The following PDE7B variants were observed in gnomAD, a reference collection of about 807,000 sequenced individuals.
PDE7B encodes 3',5'-cyclic-AMP phosphodiesterase 7B.
PDE7B carries 29 observed loss-of-function variants against 56.2 expected under a neutral mutation model. That is an observed-to-expected ratio of 0.52 (90% CI 0.38 to 0.70). PDE7B has a LOEUF of 0.70. PDE7B is among the 30% of genes least tolerant of loss of function. PDE7B has a pLI of 0.00. For missense variants in PDE7B, 490 were observed against 565.0 expected (o/e 0.87, Z 1.35); for synonymous variants, 197 against 196.9 (o/e 1.00, Z 0.00).
At chr6:135,965,704 C>T (rs1774986035) in intron 2 of PDE7B, among the ~76,000 whole-genome samples, 1 of 152,116 alleles carries the variant, frequency 6.6e-6, no homozygotes, top group African/African-American at 2.4e-5. Flanking sequence ...TCGGTTACCT[C>T]CCACTGGGTC....
intron 6 of PDE7B, 106 bp downstream of exon 6, chr6:136,151,361 C>A: frequency 1.7e-6 from 1 of 595,752 alleles, no homozygotes; most frequent in Non-Finnish European, 3.0e-6. Flanking sequence ...AGATGCATAC[C>A]TCCAATTAAT....
chr6:136,034,937 C>A lies in PDE7B; in HGVS notation c.83-73794C>A, dbSNP rs141425627. ...ACAGTACTTCCAGGAACAGCAAAGT[C>A]TTTTTGATACAAGTAGGTGTCCATT... is the stretch of plus-strand genomic sequence containing the variant. On this transcript the variant is annotated intron_variant, in intron 2 of 12. Coordinates refer to ENST00000308191, the MANE Select transcript of PDE7B (RefSeq NM_018945.4). 3 of 152,352 alleles carry A rather than the reference C, an allele frequency of 2.0e-5. No homozygotes were observed. The East Asian group carries it at 5.8e-4, about 29-fold the overall frequency. 9.4% of individuals were successfully genotyped at this position (152,352 alleles called of 1,614,324 possible). A position where few individuals can be genotyped will look rare whatever the true frequency, so the allele number is the denominator to read the frequency against.
chr6:135,947,607 T>G, intron 2 of PDE7B, 83 bp downstream of exon 2: 1 of 1,030,180 alleles, frequency 9.7e-7, no homozygotes, highest in East Asian at 2.4e-5. Flanking sequence ...TGGCTGTCTC[T>G]CATTCTGTTT....
In PDE7B at chr6:135,957,700, C is replaced by CA. The variant is rs113325019; in HGVS notation, c.82+10182dup. Among the ~76,000 whole-genome samples, 256 of 152,214 alleles carry CA rather than the reference C, an allele frequency of 1.7e-3. 2 individuals are homozygous for CA. In the East Asian group the frequency reaches 0.028, roughly 17 times the overall value. ...GTTGGCCTAGAATTCCAAGAAAACACAAAAAATAATTCCTGATGAAGGTAG... is the reference window on the plus strand; with the variant it reads ...GTTGGCCTAGAATTCCAAGAAAACACAAAAAAATAATTCCTGATGAAGGTAG... On this transcript the variant is annotated intron_variant, in intron 2 of 12. Transcript: ENST00000308191.
chr6:136,190,731 A>G (rs1358823189), intron 12 of PDE7B, among the ~76,000 whole-genome samples: 2 of 152,248 alleles, frequency 1.3e-5, no homozygotes, highest in Admixed American at 1.3e-4. Context: ...AAGAGAACAG[A>G]CATGCAAACA....
At chr6:136,057,710 G>T (rs536690195) in intron 2 of PDE7B, among the ~76,000 whole-genome samples, 4 of 152,250 alleles carry the variant, frequency 2.6e-5, no homozygotes, top group African/African-American at 9.6e-5. Context: ...CTAGATTCTA[G>T]ATCACCATTT....
At chr6:136,191,013 CTTTTTTTT>C (rs752187218) in intron 12 of PDE7B, among the ~76,000 whole-genome samples, 1 of 99,350 alleles carries the variant, frequency 1.0e-5, no homozygotes, top group African/African-American at 9.0e-5. Flanking sequence ...CCAGCATACA[CTTTTTTTT>C]TTTTTTTTTT....
At position 136,191,917 on chromosome 6, in the gene PDE7B, G is replaced by A. The variant is rs1039672615; in HGVS notation, c.*77G>A. On this transcript the variant is annotated 3_prime_UTR_variant, in exon 13 of 13. Transcript: ENST00000308191. ...AGAAGCAGCGTGGAGGGGCCCTCAC[G>A]CAGCAGCCCAGCCACTTTCTGAGTG... The A allele has an allele frequency of 1.1e-4, 123 of 1,089,458 alleles. 1 individual carries two copies. Among genetic ancestry groups the A allele is most frequent in the East Asian group, 2.8e-4 (11 of 38,728 alleles). The allele number at this position is 1,089,458 out of a possible 1,614,324, so 67.5% of individuals were successfully genotyped here.
intron 3 of PDE7B, among the ~76,000 whole-genome samples, chr6:136,134,775 A>G (rs1329695169): frequency 6.8e-6 from 1 of 147,544 alleles, no homozygotes. Flanking sequence ...AAACCAGCAG[A>G]TTTTGCCAAA....
intron 1 of PDE7B, among the ~76,000 whole-genome samples, chr6:135,939,330 T>C (rs1170735557): frequency 6.6e-6 from 1 of 152,178 alleles, no homozygotes; most frequent in Non-Finnish European, 1.5e-5. Context: ...TTATTTTGAC[T>C]GGCTGAGGTT....
At chr6:136,191,505 A>G (rs924053608) in intron 12 of PDE7B, 109 bp from the exon 13 acceptor site, 5 of 892,284 alleles carry the variant, frequency 5.6e-6, no homozygotes, top group Non-Finnish European at 8.8e-6. Context: ...CATCTCTACT[A>G]AAGATACAAA....
chr6:135,991,946 GT>G (rs1166361997), intron 2 of PDE7B: 1 of 152,150 alleles, frequency 6.6e-6, no homozygotes, highest in Non-Finnish European at 1.5e-5. Flanking sequence ...TTTTTGGTTT[GT>G]TTTGGTTTTT....
intron 2 of PDE7B, among the ~76,000 whole-genome samples, chr6:136,063,735 A>G (rs1392330653): frequency 3.3e-5 from 5 of 152,128 alleles, no homozygotes; most frequent in Admixed American, 2.0e-4. Flanking sequence ...CGTGTTTCTC[A>G]TATTCACTGT....
chr6:136,049,789 G>C (rs948789086), intron 2 of PDE7B, among the ~76,000 whole-genome samples: 15 of 152,220 alleles, frequency 9.9e-5, no homozygotes, highest in Admixed American at 9.8e-4. Context: ...GTGGGAAACA[G>C]AAAAAGACAT....
At chr6:136,178,166 A>C (rs961986794) in intron 9 of PDE7B, among the ~76,000 whole-genome samples, 1 of 152,196 alleles carries the variant, frequency 6.6e-6, no homozygotes, top group African/African-American at 2.4e-5. Context: ...CCAGGCTTGA[A>C]AGGAAAGGGG....
rs116836398 is a variant in PDE7B, at chr6:136,070,592, A to C, written c.83-38139A>C. Among the ~76,000 whole-genome samples, 912 of 152,292 alleles carry C rather than the reference A, an allele frequency of 6.0e-3. 7 individuals carry two copies. The highest frequency in any genetic ancestry group is 0.021 in the African/African-American group (865 of 41,574). ...AGTTAATGGCATTGATCCAGATAGA[A>C]TAGCATTTTAGTCCTTCTTTCATGA... On this transcript the variant is annotated intron_variant, in intron 2 of 12. Transcript: ENST00000308191.
At chr6:135,932,604 G>T (rs555775899) in intron 1 of PDE7B, among the ~76,000 whole-genome samples, 1 of 152,120 alleles carries the variant, frequency 6.6e-6, no homozygotes, top group Non-Finnish European at 1.5e-5. Flanking sequence ...TCATGAAATC[G>T]TACTATTGAG....
rs78530225 is a variant in PDE7B, at chr6:136,108,874, A to G, written c.166+60A>G. 493 of 1,072,000 alleles carry G rather than the reference A, an allele frequency of 4.6e-4. 2 individuals carry two copies. The highest frequency in any genetic ancestry group is 4.0e-3 in the South Asian group (317 of 79,840). The allele number at this position is 1,072,000 out of a possible 1,614,324, so 66.4% of individuals were successfully genotyped here. ...GTTTTCTTCAAAAAGAAAAAAAAAA[A>G]TCCTCATTTCCCTCTGAACTTCGAA... is the stretch of plus-strand genomic sequence containing the variant. On this transcript the variant is annotated intron_variant, in intron 3 of 12. Coordinates refer to ENST00000308191, the MANE Select transcript of PDE7B (RefSeq NM_018945.4).
At chr6:136,013,170 G>A (rs935740696) in intron 2 of PDE7B, among the ~76,000 whole-genome samples, 4 of 152,138 alleles carry the variant, frequency 2.6e-5, no homozygotes, top group African/African-American at 4.8e-5. Flanking sequence ...AAATTCCTAT[G>A]TGTATGTAGT....
Sources: allele counts gnomAD v4.1 joint callset (sites outside exome capture counted in the v4.1 genomes callset), GRCh38; gene constraint gnomAD v4.1.1; transcripts MANE v1.5; gene names NCBI Gene and HGNC (gene_info 2026-07-23, HGNC 2026-07-21).